The following ARHGEF10 variants were observed in gnomAD, a reference collection of about 807,000 sequenced individuals.
ARHGEF10 encodes Rho guanine nucleotide exchange factor 10.
ARHGEF10 carries 140 observed loss-of-function variants against 147.4 expected under a neutral mutation model. That is an observed-to-expected ratio of 0.95 (90% CI 0.83 to 1.09). The LOEUF (loss-of-function observed/expected upper bound fraction) is 1.09. Among genes scored for constraint, ARHGEF10 ranks in the 50% least tolerant of loss-of-function variants. ARHGEF10 has a pLI of 0.00. For synonymous variants in ARHGEF10, 902 were observed against 695.8 expected, an observed-to-expected ratio of 1.30 and a Z score of -4.67; for missense variants, 2,222 against 1,752.7, an observed-to-expected ratio of 1.27 and a Z score of -4.78.
Position 1,896,345 on chromosome 8 carries a change from A to G in ARHGEF10, c.1453A>G (p.Met485Val), listed in dbSNP as rs1563250514. 1.2e-6 allele frequency: 2 copies of G among 1,613,550 alleles called. No individual in the cohort carries two copies. Among genetic ancestry groups the G allele is most frequent in the African/African-American group, 1.3e-5 (1 of 75,042 alleles). Residue 485 changes from methionine to valine, a missense_variant, in exon 14 of 29, where the codon ATG becomes GTG. By Grantham distance (21) the Met-to-Val change is conservative (BLOSUM62 1). Coordinates refer to ENST00000349830, the MANE Select transcript of ARHGEF10 (RefSeq NM_014629.4). ...DVFVASFSKS[M>V]VLDAYSEYVN... ...TCCTGTGTTTCAGTTTTCTAAGTCCATGGTGCTGGATGCATACAGTGAATA... is the reference window on the plus strand; with the variant it reads ...TCCTGTGTTTCAGTTTTCTAAGTCCGTGGTGCTGGATGCATACAGTGAATA...
intron 22 of ARHGEF10, among the ~76,000 whole-genome samples, 192 bp downstream of exon 22, chr8:1,925,596 C>G (rs1812631155): frequency 6.6e-6 from 1 of 152,318 alleles, no homozygotes; most frequent in African/African-American, 2.4e-5. Context: ...AAACGCCCAG[C>G]CATTGTCTCT....
chr8:1,840,906 G>A (rs570998243), intron 1 of ARHGEF10, among the ~76,000 whole-genome samples: 3 of 152,272 alleles, frequency 2.0e-5, no homozygotes, highest in South Asian at 2.1e-4. Context: ...TCACGGGTGC[G>A]CTGGCCGGCA....
intron 1 of ARHGEF10, among the ~76,000 whole-genome samples, chr8:1,833,030 G>T (rs55882250): frequency 6.5e-3 from 1 of 154 alleles, no homozygotes; most frequent in Non-Finnish European, 0.013. Context: ...GCAGAGACAG[G>T]CAGAGAGAGA....
At chr8:1,940,846 C>T (rs925105692) in intron 26 of ARHGEF10, among the ~76,000 whole-genome samples, 2 of 152,146 alleles carry the variant, frequency 1.3e-5, no homozygotes, top group African/African-American at 4.8e-5. Flanking sequence ...GAATGCATCA[C>T]ATTAACAGAA....
chr8:1,956,415 A>G lies in ARHGEF10; in HGVS notation c.3521-334A>G, dbSNP rs570647174. ...AAAATTTGGGATATTTCCATAGGGT[A>G]AGTAAGAAGGTATTTTATGCAGAAT... On this transcript the variant is annotated intron_variant, in intron 28 of 28. Transcript: ENST00000349830. Among the ~76,000 whole-genome samples, 8 of 152,356 alleles carry G rather than the reference A, an allele frequency of 5.3e-5. No individual in the cohort carries two copies. In the South Asian group the frequency reaches 1.0e-3, roughly 20 times the overall value.
At chr8:1,852,797 G>T (rs1805246861) in intron 2 of ARHGEF10, among the ~76,000 whole-genome samples, 2 of 152,228 alleles carry the variant, frequency 1.3e-5, no homozygotes, top group South Asian at 4.1e-4. Context: ...TAAGAAGTCA[G>T]TGCCACCAAG....
intron 7 of ARHGEF10, among the ~76,000 whole-genome samples, chr8:1,872,820 G>A (rs967380092): frequency 6.6e-6 from 1 of 152,166 alleles, no homozygotes; most frequent in Admixed American, 6.5e-5. Context: ...GTTACATACC[G>A]AATAGTAGAT....
At chr8:1,870,736 C>G (rs375957470) in intron 7 of ARHGEF10, 20 of 152,142 alleles carry the variant, frequency 1.3e-4, no homozygotes, top group African/African-American at 4.8e-4. Flanking sequence ...TATAACAAGG[C>G]TTAATCAGAA....
chr8:1,858,597 G>T (rs1805799638), intron 3 of ARHGEF10, among the ~76,000 whole-genome samples: 1 of 152,238 alleles, frequency 6.6e-6, no homozygotes, highest in Non-Finnish European at 1.5e-5. Context: ...CATGTGGGAT[G>T]AAGTAGCTGT....
At chr8:1,898,668 G>C in intron 15 of ARHGEF10, 143 bp downstream of exon 15, 1 of 883,220 alleles carries the variant, frequency 1.1e-6, no homozygotes, top group East Asian at 2.6e-5. Flanking sequence ...GGAGGTGGAG[G>C]GTAGAGGCAG....
At position 1,876,683 on chromosome 8, in the gene ARHGEF10, G is replaced by A. The variant is rs775185561; in HGVS notation, c.792G>A (p.Glu264=). 2.5e-6 allele frequency: 4 copies of A among 1,614,122 alleles called. No homozygotes were observed. The highest frequency in any genetic ancestry group is 3.4e-6 in the Non-Finnish European group (4 of 1,180,052). Residue 264 remains glutamate (E), a synonymous_variant, in exon 8 of 29, where the codon GAG becomes GAA. Transcript: ENST00000349830. ...FESYEEQSDS[E]CKNGIPRSFL... ...GTTACGAAGAGCAGAGTGACTCGGA[G>A]TGCAAGAATGGGATTCCCAGGTCCT...
At chr8:1,838,300 T>C (rs1444920235) in intron 1 of ARHGEF10, among the ~76,000 whole-genome samples, 1 of 152,242 alleles carries the variant, frequency 6.6e-6, no homozygotes, top group Non-Finnish European at 1.5e-5. Context: ...ATAGCTGTAT[T>C]GGAGCATTGT....
At chr8:1,833,327 C>CAGAGACAGAGGCAGAGACAGAGGCAGAG in intron 1 of ARHGEF10, among the ~76,000 whole-genome samples, 1 of 76,740 alleles carries the variant, frequency 1.3e-5, no homozygotes, top group Non-Finnish European at 2.7e-5. Context: ...CAGAGGGAGA[C>CAGAGACAGAGGCAGAGACAGAGGCAGAG]AGAGACAGAG....
intron 1 of ARHGEF10, among the ~76,000 whole-genome samples, chr8:1,833,281 T>C (rs111204973): frequency 0.57 from 63,586 of 111,516 alleles, 14,716 homozygotes; most frequent in Middle Eastern, 0.65. Flanking sequence ...GAGACAGAGG[T>C]AGAGACAGAA....
intron 25 of ARHGEF10, among the ~76,000 whole-genome samples, chr8:1,930,256 C>T (rs1480047032): frequency 6.6e-6 from 1 of 152,090 alleles, no homozygotes; most frequent in Non-Finnish European, 1.5e-5. Flanking sequence ...ACCCTCCCCA[C>T]GGCCGGGAGC....
Position 1,923,577 on chromosome 8 carries a change from T to TGGGA in ARHGEF10, c.2369_2370insGGGA (p.Pro791GlyfsTer59), listed in dbSNP as rs1190139305. 1 of 1,614,094 alleles carries TGGGA rather than the reference T, an allele frequency of 6.2e-7. No homozygotes were observed. The highest frequency in any genetic ancestry group is 8.5e-7 in the Non-Finnish European group (1 of 1,180,028). ...GACTGCTGCAGAATTCAGTTACAGC[T>TGGGA]TCCCGGGAAGCAGGACAAGTTAGTA... On this transcript the variant is annotated frameshift_variant, in exon 20 of 29. Coordinates refer to ENST00000349830, the MANE Select transcript of ARHGEF10 (RefSeq NM_014629.4). LOFTEE classifies it high-confidence loss of function.
intron 22 of ARHGEF10, among the ~76,000 whole-genome samples, chr8:1,925,967 C>T (rs1017460086): frequency 6.6e-6 from 1 of 152,198 alleles, no homozygotes; most frequent in Non-Finnish European, 1.5e-5. Context: ...CAGCAGCTCC[C>T]CTGACCCCTC....
chr8:1,824,277 C>T (rs912618355), intron 1 of ARHGEF10, among the ~76,000 whole-genome samples, 164 bp downstream of exon 1: 1 of 151,920 alleles, frequency 6.6e-6, no homozygotes, highest in Admixed American at 6.5e-5. Flanking sequence ...GAGACCCCCT[C>T]CCCCCGAGCA....
Position 1,957,031 on chromosome 8 carries a change from G to A in ARHGEF10, c.3803G>A (p.Gly1268Asp), listed in dbSNP as rs1563343012. 6.2e-7 allele frequency: 1 copy of A among 1,613,966 alleles called. No individual in the cohort carries two copies. The highest frequency in any genetic ancestry group is 8.5e-7 in the Non-Finnish European group (1 of 1,180,040). ...SSSGSLSLSH[G>D]SSSLEHRSED... ...TCTGGGTCCCTGAGCTTGTCTCACG[G>A]CTCCAGCTCTCTAGAGCACAGATCA... is the stretch of plus-strand genomic sequence containing the variant. The change falls in exon 29 of 29, where the codon GGC becomes GAC. Residue 1268 changes from glycine (G) to aspartate (D), a missense_variant. Coordinates refer to ENST00000349830, the MANE Select transcript of ARHGEF10 (RefSeq NM_014629.4).
Sources: allele counts gnomAD v4.1 joint callset (sites outside exome capture counted in the v4.1 genomes callset), GRCh38; gene constraint gnomAD v4.1.1; transcripts MANE v1.5; gene names NCBI Gene and HGNC (gene_info 2026-07-23, HGNC 2026-07-21).